FOCAD: variants seen among roughly 807,000 people sequenced by gnomAD.
FOCAD encodes focadhesin.
In FOCAD, 198 loss-of-function variants were observed where a neutral mutation model predicts 225.6. The ratio of observed to expected loss-of-function variants is 0.88; its 90% confidence interval spans 0.78 to 0.99. The LOEUF is 0.99. Among genes scored for constraint, FOCAD ranks in the 50% least tolerant of loss-of-function variants. The pLI is 0.00. For missense variants in FOCAD, 2,713 were observed against 2,123.6 expected, an observed-to-expected ratio of 1.28 and a Z score of -5.46; for synonymous variants, 897 against 755.0, an observed-to-expected ratio of 1.19 and a Z score of -3.08.
Position 20,990,326 on chromosome 9 carries a change from C to T in FOCAD, c.5208C>T (p.Ser1736=), listed in dbSNP as rs1446848328. ...LQEVLTLLPN[S]MALLLQKEPW... ...AGGTTCTCACTCTCCTTCCCAATAGCATGGCTCTGCTGCTGCAGAAAGAGC... is the reference window on the plus strand; with the variant it reads ...AGGTTCTCACTCTCCTTCCCAATAGTATGGCTCTGCTGCTGCAGAAAGAGC... Residue 1736 remains serine, a synonymous_variant, in exon 42 of 44, where the codon AGC becomes AGT. Transcript: ENST00000338382. The T allele has an allele frequency of 5.0e-6, 8 of 1,614,020 alleles. No individual in the cohort carries two copies. The South Asian group carries it at 8.8e-5, about 18-fold the overall frequency.
chr9:20,809,269 A>G (rs1407702532), intron 11 of FOCAD, among the ~76,000 whole-genome samples: 2 of 152,196 alleles, frequency 1.3e-5, no homozygotes, highest in African/African-American at 4.8e-5. Flanking sequence ...GCTTTGTCCA[A>G]AAGAACTTTC....
intron 15 of FOCAD, among the ~76,000 whole-genome samples, chr9:20,843,421 C>T (rs1428619838): frequency 2.0e-5 from 3 of 152,058 alleles, no homozygotes; most frequent in African/African-American, 7.2e-5. Flanking sequence ...TTAAATATGT[C>T]ATGCCACTCT....
chr9:20,937,829 A>G (rs1381817688), intron 28 of FOCAD, among the ~76,000 whole-genome samples: 1 of 152,238 alleles, frequency 6.6e-6, no homozygotes, highest in African/African-American at 2.4e-5. Context: ...CAATCTACTC[A>G]TCTGACAAAA....
chr9:20,768,729 T>C (rs988718950), intron 7 of FOCAD, among the ~76,000 whole-genome samples: 7 of 152,208 alleles, frequency 4.6e-5, no homozygotes, highest in African/African-American at 1.7e-4. Flanking sequence ...GAATGGTCAG[T>C]GAAACTCCTT....
intron 8 of FOCAD, among the ~76,000 whole-genome samples, chr9:20,776,481 G>T (rs1818768116): frequency 2.6e-5 from 4 of 152,190 alleles, no homozygotes; most frequent in African/African-American, 9.7e-5. Flanking sequence ...CAAAAAACTT[G>T]TAACCACTAG....
chr9:20,761,014 A>AT (rs569373704), intron 6 of FOCAD, among the ~76,000 whole-genome samples: 39 of 149,716 alleles, frequency 2.6e-4, no homozygotes, highest in South Asian at 1.3e-3. Flanking sequence ...TTCATGCTAG[A>AT]TTTTTTGGGG....
intron 1 of FOCAD, among the ~76,000 whole-genome samples, chr9:20,695,200 T>C (rs1271566814): frequency 5.9e-5 from 9 of 152,140 alleles, no homozygotes; most frequent in African/African-American, 1.9e-4. Context: ...GGCAAATTTT[T>C]TTTTAGGTAA....
intron 42 of FOCAD, among the ~76,000 whole-genome samples, chr9:20,992,295 G>GA (rs1841740717): frequency 6.6e-6 from 1 of 152,122 alleles, no homozygotes; most frequent in South Asian, 2.1e-4. Flanking sequence ...TCTACCTAGT[G>GA]AATTATTTTA....
At chr9:20,791,827 C>T (rs1399529201) in intron 11 of FOCAD, among the ~76,000 whole-genome samples, 1 of 152,008 alleles carries the variant, frequency 6.6e-6, no homozygotes, top group Non-Finnish European at 1.5e-5. Flanking sequence ...GAGATGGTCC[C>T]CCAAAGGAAG....
At chr9:20,901,766 T>C (rs1390124775) in intron 21 of FOCAD, among the ~76,000 whole-genome samples, 1 of 151,924 alleles carries the variant, frequency 6.6e-6, no homozygotes, top group Non-Finnish European at 1.5e-5. Flanking sequence ...AATTAAAGCT[T>C]ACATCATACA....
intron 2 of FOCAD, among the ~76,000 whole-genome samples, chr9:20,662,095 A>G (rs1307093067): frequency 6.6e-6 from 1 of 152,230 alleles, no homozygotes; most frequent in Non-Finnish European, 1.5e-5. Context: ...ATCTACAAGT[A>G]GTGGATGGGA....
At chr9:20,909,163 TA>T (rs1171393019) in intron 22 of FOCAD, among the ~76,000 whole-genome samples, 1 of 152,102 alleles carries the variant, frequency 6.6e-6, no homozygotes, top group Admixed American at 6.6e-5. Flanking sequence ...AATTTTTAAA[TA>T]AGAGCTATGG....
chr9:20,832,264 G>A (rs1256024506), intron 15 of FOCAD, among the ~76,000 whole-genome samples: 1 of 151,952 alleles, frequency 6.6e-6, no homozygotes, highest in Admixed American at 6.6e-5. Flanking sequence ...ATGCCATACT[G>A]TTTTCCAGAG....
At chr9:20,892,564 A>G (rs567926108) in intron 21 of FOCAD, among the ~76,000 whole-genome samples, 1 of 152,192 alleles carries the variant, frequency 6.6e-6, no homozygotes, top group East Asian at 1.9e-4. Flanking sequence ...TAGAATTAGA[A>G]GTAGAGCCTG....
At chr9:20,732,118 C>G (rs751582020) in intron 4 of FOCAD, among the ~76,000 whole-genome samples, 1 of 152,126 alleles carries the variant, frequency 6.6e-6, no homozygotes, top group Non-Finnish European at 1.5e-5. Context: ...TATTTATTAT[C>G]TCTTGTATTT....
rs190367490 is a variant in FOCAD, at chr9:20,703,708, C to A, written c.-32-11614C>A. Among the ~76,000 whole-genome samples, 15 of 152,192 alleles carry A rather than the reference C, an allele frequency of 9.9e-5. No individual in the cohort carries two copies. In the East Asian group the frequency reaches 2.7e-3, roughly 27 times the overall value. On this transcript the variant is annotated intron_variant, in intron 1 of 43. Transcript: ENST00000338382. Reference sequence around the variant, plus strand: ...TGAGAGATTCCTTATCACTTAAATTCAAATTCTTTTCCATCATTCACCTTC... The same window carrying A: ...TGAGAGATTCCTTATCACTTAAATTAAAATTCTTTTCCATCATTCACCTTC...
At chr9:20,990,494 C>T in intron 42 of FOCAD, 120 bp downstream of exon 42, 3 of 1,238,690 alleles carry the variant, frequency 2.4e-6, no homozygotes, top group Non-Finnish European at 2.2e-6. Flanking sequence ...CTTTCCTACC[C>T]AGCCCCATAT....
At chr9:20,721,309 C>A (rs1373832202) in intron 4 of FOCAD, among the ~76,000 whole-genome samples, 1 of 152,138 alleles carries the variant, frequency 6.6e-6, no homozygotes, top group Non-Finnish European at 1.5e-5. Flanking sequence ...ACTTGTTTTT[C>A]CAGTGTTTTT....
chr9:20,906,415 A>C (rs1832983377), intron 21 of FOCAD, among the ~76,000 whole-genome samples: 1 of 152,030 alleles, frequency 6.6e-6, no homozygotes, highest in Non-Finnish European at 1.5e-5. Flanking sequence ...AATGTGATGC[A>C]CTGTGACTGT....
Sources: gnomAD v4.1 joint callset for allele counts (sites outside exome capture counted in the v4.1 genomes callset) on GRCh38, gnomAD v4.1.1 for gene constraint, MANE v1.5 for transcripts, NCBI Gene and HGNC (gene_info 2026-07-23, HGNC 2026-07-21) for gene names.